SEMA5A: variants seen among roughly 807,000 people sequenced by gnomAD.
The protein encoded by SEMA5A is semaphorin 5A.
A neutral mutation model predicts 135.5 loss-of-function variants in SEMA5A; 55 were observed. The ratio of observed to expected loss-of-function variants is 0.41; its 90% CI spans 0.33 to 0.51. The LOEUF (loss-of-function observed/expected upper bound fraction) is 0.51. SEMA5A is among the 20% of genes least tolerant of loss of function. The pLI, the probability that SEMA5A is intolerant of heterozygous loss-of-function variation, is 0.37. For missense variants in SEMA5A, 1,290 were observed against 1,419.9 expected (o/e 0.91, Z 1.47); for synonymous variants, 580 against 546.5 (o/e 1.06, Z -0.85).
chr5:9,140,517 C>T (rs189126654), intron 12 of SEMA5A, among the ~76,000 whole-genome samples: 157 of 152,278 alleles, frequency 1.0e-3, no homozygotes, highest in African/African-American at 3.6e-3. Context: ...GAGACAGACC[C>T]GGGTGGGGTG....
At chr5:9,163,733 C>T (rs1210580183) in intron 11 of SEMA5A, among the ~76,000 whole-genome samples, 2 of 151,810 alleles carry the variant, frequency 1.3e-5, no homozygotes, top group Non-Finnish European at 2.9e-5. Context: ...AGGCCCTCAT[C>T]TGATATGAGT....
chr5:9,188,208 G>A (rs190054353), intron 11 of SEMA5A, among the ~76,000 whole-genome samples: 3 of 152,282 alleles, frequency 2.0e-5, no homozygotes, highest in Admixed American at 1.3e-4. Flanking sequence ...CTAGCAGGCA[G>A]CCATCTGCAA....
intron 2 of SEMA5A, among the ~76,000 whole-genome samples, chr5:9,422,845 A>C (rs1757517568): frequency 6.6e-6 from 1 of 152,244 alleles, no homozygotes; most frequent in Non-Finnish European, 1.5e-5. Context: ...ATAGTGCAAA[A>C]AAATTAATCT....
intron 16 of SEMA5A, among the ~76,000 whole-genome samples, chr5:9,080,271 C>A (rs966434677): frequency 6.6e-6 from 1 of 152,068 alleles, no homozygotes; most frequent in Non-Finnish European, 1.5e-5. Context: ...AGCTGGAAAC[C>A]ATCATTCTCA....
At chr5:9,069,438 A>G (rs1036119056) in intron 16 of SEMA5A, among the ~76,000 whole-genome samples, 1 of 152,144 alleles carries the variant, frequency 6.6e-6, no homozygotes, top group African/African-American at 2.4e-5. Flanking sequence ...TGAAAAATCA[A>G]CCCCTCTAAC....
At chr5:9,487,475 C>T (rs1395366262) in intron 1 of SEMA5A, among the ~76,000 whole-genome samples, 1 of 151,964 alleles carries the variant, frequency 6.6e-6, no homozygotes, top group Non-Finnish European at 1.5e-5. Flanking sequence ...TAAGCTCAGG[C>T]GTCAAGGCTG....
intron 1 of SEMA5A, among the ~76,000 whole-genome samples, chr5:9,478,881 A>C (rs1279956244): frequency 6.6e-6 from 1 of 152,196 alleles, no homozygotes; most frequent in Non-Finnish European, 1.5e-5. Context: ...AGGAGGGGCC[A>C]GGGTGGGATG....
chr5:9,068,457 A>T (rs1737593541), intron 16 of SEMA5A, among the ~76,000 whole-genome samples: 1 of 151,842 alleles, frequency 6.6e-6, no homozygotes, highest in African/African-American at 2.4e-5. Flanking sequence ...AGAGGGCAGA[A>T]CTCTCAGTGT....
intron 13 of SEMA5A, among the ~76,000 whole-genome samples, chr5:9,131,294 G>A (rs559589189): frequency 6.6e-6 from 1 of 152,092 alleles, no homozygotes; most frequent in South Asian, 2.1e-4. Flanking sequence ...GAGAGAGTGA[G>A]AGATGCTAGG....
intron 1 of SEMA5A, among the ~76,000 whole-genome samples, chr5:9,478,466 G>A (rs1759754263): frequency 1.3e-5 from 2 of 152,216 alleles, no homozygotes; most frequent in Non-Finnish European, 2.9e-5. Context: ...CAGCTACAGG[G>A]GCTGTACCCT....
Position 9,131,622 on chromosome 5 carries a change from A to C in SEMA5A, c.1599+4882T>G, listed in dbSNP as rs1396337526. Among the ~76,000 whole-genome samples, 25 of 14,516 alleles carry C rather than the reference A, an allele frequency of 1.7e-3. 1 individual carries two copies. The highest frequency in any genetic ancestry group is 2.6e-3 in the African/African-American group (24 of 9,232). 9.5% of individuals were successfully genotyped at this position (14,516 alleles called of 152,430 possible). A position where few individuals can be genotyped will look rare whatever the true frequency, so the allele number is the denominator to read the frequency against. On this transcript the variant is annotated intron_variant, in intron 13 of 22. Coordinates refer to ENST00000382496, the MANE Select transcript of SEMA5A (RefSeq NM_003966.3). Reference sequence around the variant, plus strand: ...GACTCCATCTCAAAAAAAAAAAAAAAAAAAAAAAAAAAAAAAAAAAAAAAA... The same window carrying C: ...GACTCCATCTCAAAAAAAAAAAAAACAAAAAAAAAAAAAAAAAAAAAAAAA...
Position 9,197,728 on chromosome 5 carries a change from TTGTGTG to T in SEMA5A, c.933-431_933-426del, listed in dbSNP as rs70943946. 2.6e-3 allele frequency among the ~76,000 whole-genome samples: 154 copies of T among 59,292 alleles called. 2 individuals are homozygous for T. Among genetic ancestry groups the T allele is most frequent in the African/African-American group, 5.6e-3 (75 of 13,404 alleles). The allele number at this position is 59,292 out of a possible 152,430, so 38.9% of individuals were successfully genotyped here. On this transcript the variant is annotated intron_variant, in intron 9 of 22. Coordinates refer to ENST00000382496, the MANE Select transcript of SEMA5A (RefSeq NM_003966.3). The stretch of plus-strand genomic sequence containing the variant: ...TTTGCCCAGCAGCAGGGAAAGCTGT[TTGTGTG>T]TGTGTGTGTGTGTGTGTGTGTGTGT...
At position 9,063,103 on chromosome 5, in the gene SEMA5A, G is replaced by T. The variant is rs1372501518; in HGVS notation, c.2302C>A (p.Leu768Ile). The stretch of plus-strand genomic sequence containing the variant: ...CCAGCACGCAGGAAATCCCCAGAAA[G>T]CCCTGCCAAGGAAACAGGTGAAGTG... The part of the protein sequence containing the change: ...DGTSGCSTDG[L>I]SGDFLRAGRY... Residue 768 changes from leucine to isoleucine, a missense_variant and splice_region_variant, in exon 18 of 23, where the codon CTT becomes ATT. Physicochemically the swap from Leu to Ile is conservative, Grantham distance 5. This residue lies in a region of SEMA5A where 1,029 missense variants were observed against 1,086.6 expected (regional missense o/e 0.95). Transcript: ENST00000382496. 1 of 1,610,694 alleles carries T rather than the reference G, an allele frequency of 6.2e-7. No individual in the cohort carries two copies. Among genetic ancestry groups the T allele is most frequent in the Non-Finnish European group, 8.5e-7 (1 of 1,178,336 alleles).
intron 12 of SEMA5A, among the ~76,000 whole-genome samples, chr5:9,149,513 G>T (rs114712682): frequency 1.3e-5 from 2 of 152,054 alleles, no homozygotes; most frequent in Non-Finnish European, 2.9e-5. Context: ...ACCTGGTGGC[G>T]CATGCCTGTA....
chr5:9,080,739 G>C (rs564293277), intron 16 of SEMA5A, among the ~76,000 whole-genome samples: 7 of 152,196 alleles, frequency 4.6e-5, no homozygotes, highest in South Asian at 4.1e-4. Flanking sequence ...GTCCTGCTTA[G>C]AGCCTTCAGA....
At chr5:9,197,485 C>A (rs888104960) in intron 9 of SEMA5A, among the ~76,000 whole-genome samples, 182 bp from the exon 10 acceptor site, 1 of 152,204 alleles carries the variant, frequency 6.6e-6, no homozygotes, top group African/African-American at 2.4e-5. Flanking sequence ...GAGGAACAAA[C>A]ATCTTGGTAC....
intron 3 of SEMA5A, among the ~76,000 whole-genome samples, chr5:9,344,424 C>T (rs1753775200): frequency 6.6e-6 from 1 of 152,104 alleles, no homozygotes; most frequent in Admixed American, 6.5e-5. Flanking sequence ...AACATATACG[C>T]ATGGATTAAT....
intron 5 of SEMA5A, among the ~76,000 whole-genome samples, chr5:9,239,943 T>C (rs988034534): frequency 1.3e-5 from 2 of 152,182 alleles, no homozygotes; most frequent in Admixed American, 6.5e-5. Flanking sequence ...GCCATCAAAA[T>C]TGTTCAGATC....
intron 5 of SEMA5A, among the ~76,000 whole-genome samples, chr5:9,268,526 T>C (rs1300845908): frequency 6.6e-6 from 1 of 152,154 alleles, no homozygotes; most frequent in Non-Finnish European, 1.5e-5. Context: ...AATAGTAATG[T>C]GATAGCACTG....
Sources: allele counts gnomAD v4.1 joint callset (sites outside exome capture counted in the v4.1 genomes callset), GRCh38; gene constraint gnomAD v4.1.1; regional missense constraint gnomAD v4.1.1; transcripts MANE v1.5; gene names NCBI Gene and HGNC (gene_info 2026-07-23, HGNC 2026-07-21).